Variants in CDC20 observed in about 807,000 individuals in gnomAD.
CDC20 encodes cell division cycle 20, also known as cell division cycle protein 20 homolog.
A neutral mutation model predicts 60.0 loss-of-function variants in CDC20; 34 were observed. That is an observed-to-expected ratio of 0.57 (90% CI 0.43 to 0.75). The LOEUF (loss-of-function observed/expected upper bound fraction) is 0.75. CDC20 is among the 30% of genes least tolerant of loss of function. The pLI is 0.00. For missense variants in CDC20, 469 were observed against 647.3 expected (o/e 0.72, Z 2.99); for synonymous variants, 198 against 243.5 (o/e 0.81, Z 1.74).
In CDC20 at chr1:43,359,219, G is replaced by C; in HGVS notation, c.4G>C (p.Ala2Pro). 1 of 1,611,576 alleles carries C rather than the reference G, an allele frequency of 6.2e-7. No homozygotes were observed. Among genetic ancestry groups the C allele is most frequent in the East Asian group, 2.2e-5 (1 of 44,864 alleles). Residue 2 changes from alanine to proline, a missense_variant, in exon 2 of 11, where the codon GCA becomes CCA. Ala to Pro is a conservative substitution (Grantham distance 27). Around this residue, in one of 5 missense-constraint regions of CDC20, gnomAD observed 115 missense variants for 156.1 expected, o/e 0.74. Transcript: ENST00000310955. Reference sequence around the variant, plus strand: ...CCCTCCCCCTGCGGGCGCTCCCATGGCACAGTTCGCGTTCGAGAGTGACCT... The same window carrying C: ...CCCTCCCCCTGCGGGCGCTCCCATGCCACAGTTCGCGTTCGAGAGTGACCT... M[A>P]QFAFESDLHS...
rs371863411 is a variant in CDC20, at chr1:43,359,834, G to A, written c.427+13G>A. 44 of 1,613,272 alleles carry A rather than the reference G, an allele frequency of 2.7e-5. No homozygotes were observed. Among genetic ancestry groups the A allele is most frequent in the East Asian group, 1.1e-4 (5 of 44,888 alleles). ...AATGCGCCAGAGGGTAAGACCCGAAGTTCCTGGTTCCTGGAGGGAGGTGTC... is the reference window on the plus strand; with the variant it reads ...AATGCGCCAGAGGGTAAGACCCGAAATTCCTGGTTCCTGGAGGGAGGTGTC... On this transcript the variant is annotated intron_variant, in intron 4 of 10. Coordinates refer to ENST00000310955, the MANE Select transcript of CDC20 (RefSeq NM_001255.3).
rs1302699592 is a variant in CDC20 at position 43,361,254 on chromosome 1, T to C, written c.1203+9T>C. 6.9e-6 allele frequency: 11 copies of C among 1,587,570 alleles called. No homozygotes were observed. In the South Asian group the frequency reaches 1.3e-4, roughly 18 times the overall value. ...TGGATGCCCATTCCCAGGTAATCTT[T>C]TGCCTGTTCCTGCCTCTCCCACATG... On this transcript the variant is annotated intron_variant, in intron 9 of 10. Coordinates refer to ENST00000310955, the MANE Select transcript of CDC20 (RefSeq NM_001255.3).
At position 43,362,965 on chromosome 1, in the gene CDC20, G is replaced by C; in HGVS notation, c.1336G>C (p.Val446Leu). ...VAELKGHTSRVLSLTMSPDGA... is the reference protein window; with the variant it reads ...VAELKGHTSRLLSLTMSPDGA... ...ATTTGCTCCAGGTCACACATCCCGG[G>C]TCCTGAGTCTGACCATGAGCCCAGA... The change falls in exon 11 of 11, where the codon GTC becomes CTC. Residue 446 changes from valine (V) to leucine (L), a missense_variant. Physicochemically the swap from Val to Leu is conservative, Grantham distance 32. Around this residue, in one of 5 missense-constraint regions of CDC20, gnomAD observed 72 missense variants for 77.9 expected, o/e 0.92. Transcript: ENST00000310955. 5 of 1,597,934 alleles carry C rather than the reference G, an allele frequency of 3.1e-6. No individual in the cohort carries two copies. Among genetic ancestry groups the C allele is most frequent in the Non-Finnish European group, 4.3e-6 (5 of 1,175,196 alleles).
At chr1:43,360,658 C>A (rs1647168841) in intron 7 of CDC20, 65 bp downstream of exon 7, 3 of 1,567,954 alleles carry the variant, frequency 1.9e-6, no homozygotes, top group Non-Finnish European at 2.6e-6. Context: ...ACTGTACACC[C>A]CTGAACTGAA....
rs144360563 is a variant in CDC20 at position 43,359,440 on chromosome 1, C to T, written c.181+44C>T. On this transcript the variant is annotated intron_variant, in intron 2 of 10. Coordinates refer to ENST00000310955, the MANE Select transcript of CDC20 (RefSeq NM_001255.3). ...GAACTGAGTGAGAGCAGCCTTCATA[C>T]TTTCTCCCTGGGGAGCCTGGTCAGA... The T allele has an allele frequency of 7.3e-5, 117 of 1,613,142 alleles. 1 individual carries two copies. In the Middle Eastern group the frequency reaches 1.3e-3, roughly 18 times the overall value.
At chr1:43,361,332 C>T in intron 9 of CDC20, 87 bp downstream of exon 9, 4 of 1,296,394 alleles carry the variant, frequency 3.1e-6, no homozygotes, top group Non-Finnish European at 4.2e-6. Flanking sequence ...ACTCTATGCC[C>T]TGGTGATTCC....
At chr1:43,360,687 C>A in intron 7 of CDC20, 46 bp from the exon 8 acceptor site, 2 of 1,583,484 alleles carry the variant, frequency 1.3e-6, no homozygotes, top group Non-Finnish European at 1.7e-6. Context: ...GGCTTGCTTG[C>A]ATTTGGTGCT....
rs1281786044 is a variant in CDC20 at position 43,360,610 on chromosome 1, G to T, written c.848+17G>T. 8 of 1,606,452 alleles carry T rather than the reference G, an allele frequency of 5.0e-6. No homozygotes were observed. The highest frequency in any genetic ancestry group is 6.8e-6 in the Non-Finnish European group (8 of 1,172,984). Reference sequence around the variant, plus strand: ...CCTGTCCAGGTCAGTGGTTTTTGTTGGTCTATGGTAGTCTGATATTTGCCC... The same window carrying T: ...CCTGTCCAGGTCAGTGGTTTTTGTTTGTCTATGGTAGTCTGATATTTGCCC... On this transcript the variant is annotated intron_variant, in intron 7 of 10. Transcript: ENST00000310955.
Position 43,360,552 on chromosome 1 carries a change from C to T in CDC20, c.807C>T (p.Ala269=). ...TTCGAAATATGACCAGTCACTCTGC[C>T]CGAGTGGGCTCCCTAAGCTGGAACA... is the stretch of plus-strand genomic sequence containing the variant. ...KRLRNMTSHS[A]RVGSLSWNSY... Residue 269 remains alanine, a synonymous_variant, in exon 7 of 11, where the codon GCC becomes GCT. Coordinates refer to ENST00000310955, the MANE Select transcript of CDC20 (RefSeq NM_001255.3). 6.2e-7 allele frequency: 1 copy of T among 1,614,162 alleles called. No homozygotes were observed. Among genetic ancestry groups the T allele is most frequent in the Non-Finnish European group, 8.5e-7 (1 of 1,179,992 alleles).
In CDC20 at chr1:43,358,994, T is replaced by C; in HGVS notation, c.-62T>C. 3 of 603,836 alleles carry C rather than the reference T, an allele frequency of 5.0e-6. No homozygotes were observed. In the South Asian group the frequency reaches 5.9e-5, roughly 12 times the overall value. The allele number at this position is 603,836 out of a possible 1,614,324, so 37.4% of individuals were successfully genotyped here. ...GCGTGTTAAAGCCGGTCGGAACTGC[T>C]CCGGAGGGCACGGTGAGAGGTGGTG... is the stretch of plus-strand genomic sequence containing the variant. On this transcript the variant is annotated 5_prime_UTR_variant, in exon 1 of 11. Coordinates refer to ENST00000310955, the MANE Select transcript of CDC20 (RefSeq NM_001255.3).
Position 43,359,199 on chromosome 1 carries a change from C to T in CDC20, c.-17C>T. On this transcript the variant is annotated 5_prime_UTR_variant, in exon 2 of 11. Coordinates refer to ENST00000310955, the MANE Select transcript of CDC20 (RefSeq NM_001255.3). ...TAGGCACCAACTGCAAGGACCCCTC[C>T]CCCTGCGGGCGCTCCCATGGCACAG... 1 of 1,611,456 alleles carries T rather than the reference C, an allele frequency of 6.2e-7. No homozygotes were observed. Among genetic ancestry groups the T allele is most frequent in the East Asian group, 2.2e-5 (1 of 44,860 alleles).
rs1021261084 is a variant in CDC20 at position 43,360,183 on chromosome 1, C to T, written c.557-10C>T. The T allele has an allele frequency of 6.2e-7, 1 of 1,614,024 alleles. No individual in the cohort carries two copies. Among genetic ancestry groups the T allele is most frequent in the Non-Finnish European group, 8.5e-7 (1 of 1,179,904 alleles). ...AAGGAAGCTCATGCTCTTCTCTCCA[C>T]CTCTGACAGACCTGAACCTTGTGGA... is the stretch of plus-strand genomic sequence containing the variant. On this transcript the variant is annotated splice_polypyrimidine_tract_variant and intron_variant, in intron 5 of 10. Transcript: ENST00000310955.
At chr1:43,359,693 C>T (rs1245865957) in intron 3 of CDC20, 32 bp from the exon 4 acceptor site, 5 of 1,613,538 alleles carry the variant, frequency 3.1e-6, no homozygotes, top group Non-Finnish European at 2.5e-6. Context: ...TTGGATAATA[C>T]CATCTTGCTC....
Position 43,359,401 on chromosome 1 carries a change from G to C in CDC20, c.181+5G>C. The C allele has an allele frequency of 6.2e-7, 1 of 1,612,854 alleles. No individual in the cohort carries two copies. The highest frequency in any genetic ancestry group is 8.5e-7 in the Non-Finnish European group (1 of 1,179,404). On this transcript the variant is annotated splice_donor_5th_base_variant and intron_variant, in intron 2 of 10. Transcript: ENST00000310955. ...GGACTCCGGGCCGAACTCCTGGTCAGTGAGGTGCCAAAGGAACTGAGTGAG... is the reference window on the plus strand; with the variant it reads ...GGACTCCGGGCCGAACTCCTGGTCACTGAGGTGCCAAAGGAACTGAGTGAG...
intron 8 of CDC20, 29 bp from the exon 9 acceptor site, chr1:43,361,091 C>T: frequency 6.2e-7 from 1 of 1,613,952 alleles, no homozygotes; most frequent in Non-Finnish European, 8.5e-7. Context: ...GGCTCTAGTA[C>T]CTGCTGACCC....
chr1:43,360,523 C>G lies in CDC20; in HGVS notation c.778C>G (p.Arg260Gly), dbSNP rs766272694. The G allele has an allele frequency of 6.2e-7, 1 of 1,614,098 alleles. No individual in the cohort carries two copies. Among genetic ancestry groups the G allele is most frequent in the Non-Finnish European group, 8.5e-7 (1 of 1,179,922 alleles). The change falls in exon 7 of 11, where the codon CGG becomes GGG. Residue 260 changes from arginine to glycine, a missense_variant. By Grantham distance (125) the Arg-to-Gly change is moderately radical. Transcript: ENST00000310955. ...VQLWDVQQQK[R>G]LRNMTSHSAR... is the part of the protein sequence containing the mutation. ...GCTATGGGATGTGCAGCAGCAGAAACGGCTTCGAAATATGACCAGTCACTC... is the reference window on the plus strand; with the variant it reads ...GCTATGGGATGTGCAGCAGCAGAAAGGGCTTCGAAATATGACCAGTCACTC...
In CDC20 at chr1:43,359,211, C is replaced by T. The variant is rs779994329; in HGVS notation, c.-5C>T. ...GCAAGGACCCCTCCCCCTGCGGGCGCTCCCATGGCACAGTTCGCGTTCGAG... is the reference window on the plus strand; with the variant it reads ...GCAAGGACCCCTCCCCCTGCGGGCGTTCCCATGGCACAGTTCGCGTTCGAG... On this transcript the variant is annotated 5_prime_UTR_variant, in exon 2 of 11. Transcript: ENST00000310955. 21 of 1,611,468 alleles carry T rather than the reference C, an allele frequency of 1.3e-5. No individual in the cohort carries two copies. The highest frequency in any genetic ancestry group is 1.2e-4 in the Admixed American group (7 of 60,004).
chr1:43,359,511 A>G lies in CDC20; in HGVS notation c.203A>G (p.Gln68Arg). ...CCAGGCAAATCCAGTTCCAAGGTTC[A>G]GACCACTCCTAGCAAACCTGGCGGT... Reference protein sequence around the residue: ...RTPGKSSSKVQTTPSKPGGDR... With the variant: ...RTPGKSSSKVRTTPSKPGGDR... Residue 68 changes from glutamine (Q) to arginine (R), a missense_variant, in exon 3 of 11, where the codon CAG becomes CGG. By Grantham distance (43) the Gln-to-Arg change is conservative (BLOSUM62 1). Around this residue, in one of 5 missense-constraint regions of CDC20, gnomAD observed 115 missense variants for 156.1 expected, o/e 0.74. Transcript: ENST00000310955. 3.1e-6 allele frequency: 5 copies of G among 1,614,148 alleles called. No homozygotes were observed. The highest frequency in any genetic ancestry group is 4.2e-6 in the Non-Finnish European group (5 of 1,180,032).
intron 10 of CDC20, 103 bp from the exon 11 acceptor site, chr1:43,362,848 G>A: frequency 1.2e-6 from 1 of 813,836 alleles, no homozygotes; most frequent in Non-Finnish European, 2.0e-6. Flanking sequence ...CTGGGTGACA[G>A]AGCAAGTCTC....
Sources: allele counts gnomAD v4.1 joint callset, GRCh38; gene constraint gnomAD v4.1.1; regional missense constraint gnomAD v4.1.1; transcripts MANE v1.5; gene names NCBI Gene and HGNC (gene_info 2026-07-23, HGNC 2026-07-21).